BDP1: variants seen among roughly 807,000 people sequenced by gnomAD.
The protein encoded by BDP1 is transcription factor TFIIIB component B'' homolog.
BDP1 carries 169 observed loss-of-function variants against 266.6 expected under a neutral mutation model. The observed-to-expected ratio is 0.63, with a 90% CI of 0.56 to 0.72. BDP1 has a LOEUF of 0.72. Among genes scored for constraint, BDP1 ranks in the 30% least tolerant of loss-of-function variants. The probability of loss-of-function intolerance (pLI) is 0.00; values close to 1 mark genes in which losing one functional copy is unlikely to be tolerated. For synonymous variants in BDP1, 1,090 were observed against 1,022.4 expected (o/e 1.07, Z -1.26); for missense variants, 3,015 against 3,053.8 (o/e 0.99, Z 0.30).
At chr5:71,546,337 G>A (rs1244444128) in intron 32 of BDP1, among the ~76,000 whole-genome samples, 1 of 151,712 alleles carries the variant, frequency 6.6e-6, no homozygotes, top group African/African-American at 2.4e-5. Context: ...ATAAATACTT[G>A]GCTGGGTGGG....
downstream of BDP1, among the ~76,000 whole-genome samples, chr5:71,571,787 C>T (rs899512548): frequency 6.6e-6 from 1 of 152,108 alleles, no homozygotes; most frequent in African/African-American, 2.4e-5. Context: ...GCATGCCCCA[C>T]TATTTTGTAT....
chr5:71,458,718 T>C lies in BDP1; in HGVS notation c.352T>C (p.Leu118=). The C allele has an allele frequency of 6.2e-7, 1 of 1,614,160 alleles. No individual in the cohort carries two copies. Among genetic ancestry groups the C allele is most frequent in the East Asian group, 2.2e-5 (1 of 44,868 alleles). The stretch of plus-strand genomic sequence containing the variant: ...CAGTGTTCCTTCAGAATCTCATCCC[T>C]TATCTACAATTAATCAAGAGGCTCC... ...SVSVPSESHP[L]STINQEAPQP... is the part of the protein sequence containing the mutation. The change falls in exon 2 of 39, where the codon TTA becomes CTA. Residue 118 remains leucine (L), a synonymous_variant. Coordinates refer to ENST00000358731, the MANE Select transcript of BDP1 (RefSeq NM_018429.3).
rs1377230985 is a variant in BDP1, at chr5:71,510,489, GA to G, written c.3398del (p.Glu1133GlyfsTer2). 5 of 1,613,890 alleles carry G rather than the reference GA, an allele frequency of 3.1e-6. No homozygotes were observed. The highest frequency in any genetic ancestry group is 4.2e-6 in the Non-Finnish European group (5 of 1,179,956). On this transcript the variant is annotated frameshift_variant, in exon 17 of 39. Transcript: ENST00000358731. LOFTEE classifies it high-confidence loss of function. ...REISPREKTP[E>X]VIDATEEIDK... Reference sequence around the variant, plus strand: ...GATTTCCCCAAGGGAGAAGACACCAGAGGTGATTGATGCCACTGAGGAAATA... The same window carrying G: ...GATTTCCCCAAGGGAGAAGACACCAGGGTGATTGATGCCACTGAGGAAATA...
At chr5:71,485,849 G>T (rs1763230583) in intron 8 of BDP1, among the ~76,000 whole-genome samples, 2 of 152,174 alleles carry the variant, frequency 1.3e-5, no homozygotes, top group Non-Finnish European at 2.9e-5. Context: ...GGACTTCTCA[G>T]TCCATAAAAA....
At position 71,562,434 on chromosome 5, in the gene BDP1, GAAA is replaced by G; in HGVS notation, c.7662_7664del (p.Lys2554del). The G allele has an allele frequency of 1.2e-6, 2 of 1,613,798 alleles. No individual in the cohort carries two copies. Among genetic ancestry groups the G allele is most frequent in the Non-Finnish European group, 1.7e-6 (2 of 1,179,880 alleles). ...ATCTAATCCATTCAATGAAAGCCAG[GAAA>G]AAAATCGAGAGTCCTCTGATCTGCT... is the stretch of plus-strand genomic sequence containing the variant. On this transcript the variant is annotated inframe_deletion, in exon 38 of 39. Transcript: ENST00000358731.
chr5:71,547,003 A>C (rs1387125204), intron 32 of BDP1, among the ~76,000 whole-genome samples: 1 of 151,838 alleles, frequency 6.6e-6, no homozygotes, highest in African/African-American at 2.4e-5. Flanking sequence ...GTCCCACCAC[A>C]CCTGACTAAT....
Position 71,487,081 on chromosome 5 carries a change from G to A in BDP1, c.1213+454G>A, listed in dbSNP as rs749526545. On this transcript the variant is annotated intron_variant, in intron 9 of 38. Transcript: ENST00000358731. Reference sequence around the variant, plus strand: ...TGTAACAGGTAGAAATTGTATATATGTAGGTATTTTTATTTTTAGGCTTAT... The same window carrying A: ...TGTAACAGGTAGAAATTGTATATATATAGGTATTTTTATTTTTAGGCTTAT... Among the ~76,000 whole-genome samples the A allele has an allele frequency of 5.9e-4, 90 of 152,250 alleles. 1 individual carries two copies. Among genetic ancestry groups the A allele is most frequent in the Admixed American group, 4.6e-3 (70 of 15,292 alleles).
intron 25 of BDP1, among the ~76,000 whole-genome samples, chr5:71,525,484 C>T (rs1196013334): frequency 1.3e-4 from 16 of 125,838 alleles, no homozygotes; most frequent in Non-Finnish European, 2.0e-4. Flanking sequence ...GCTGGCCGGG[C>T]GGGGGGCTGA....
Position 71,497,190 on chromosome 5 carries a change from A to G in BDP1, c.1800-80A>G, listed in dbSNP as rs576768904. The G allele has an allele frequency of 1.1e-4, 143 of 1,310,568 alleles. 2 individuals carry two copies. Among genetic ancestry groups the G allele is most frequent in the African/African-American group, 5.9e-4 (40 of 68,154 alleles). 81.2% of individuals were successfully genotyped at this position (1,310,568 alleles called of 1,614,324 possible). A position where few individuals can be genotyped will look rare whatever the true frequency, so the allele number is the denominator to read the frequency against. On this transcript the variant is annotated intron_variant, in intron 12 of 38. Transcript: ENST00000358731. ...GTAAGCTCTTAAAGGAGTTCTTCCT[A>G]ATTCTCAGTAGGTTATTTTAGAAGT...
At chr5:71,479,055 A>G (rs181699423) in intron 7 of BDP1, among the ~76,000 whole-genome samples, 1 of 151,278 alleles carries the variant, frequency 6.6e-6, no homozygotes, top group East Asian at 1.9e-4. Context: ...ATTTTATTTT[A>G]TTTTTGAGAT....
the BDP1 span, among the ~76,000 whole-genome samples, chr5:71,573,309 C>G: frequency 6.6e-6 from 1 of 151,936 alleles, no homozygotes; most frequent in African/African-American, 2.4e-5. Context: ...GCTCCAGTTG[C>G]AGAACCATCT....
intron 7 of BDP1, among the ~76,000 whole-genome samples, chr5:71,481,258 A>T (rs1561689887): frequency 2.0e-5 from 3 of 149,318 alleles, no homozygotes; most frequent in Non-Finnish European, 3.0e-5. Context: ...TTTTTTTTTT[A>T]AAGCGCAGTG....
intron 7 of BDP1, among the ~76,000 whole-genome samples, chr5:71,476,843 A>G (rs1442606539): frequency 6.6e-6 from 1 of 152,032 alleles, no homozygotes; most frequent in Non-Finnish European, 1.5e-5. Context: ...AGCTGGGACT[A>G]CAGGCGCCCG....
chr5:71,518,982 A>C (rs1765361488), intron 22 of BDP1, among the ~76,000 whole-genome samples: 1 of 149,516 alleles, frequency 6.7e-6, no homozygotes, highest in African/African-American at 2.5e-5. Context: ...ACCACACCCT[A>C]CTAATTTTTG....
At position 71,544,904 on chromosome 5, in the gene BDP1, A is replaced by AAAAAAG. The variant is rs375850328; in HGVS notation, c.6564-133_6564-132insAAAGAA. The AAAAAAG allele has an allele frequency of 8.8e-3, 3,908 of 441,936 alleles. 346 individuals are homozygous for AAAAAAG. The highest frequency in any genetic ancestry group is 0.012 in the South Asian group (514 of 41,560). 27.4% of individuals were successfully genotyped at this position (441,936 alleles called of 1,614,324 possible). A position where few individuals can be genotyped will look rare whatever the true frequency, so the allele number is the denominator to read the frequency against. ...CAAAAAAAAAAAAAAAAAAAAAAAA[A>AAAAAAG]AAGTCCTATTGCATTAAATATGTTT... On this transcript the variant is annotated intron_variant, in intron 31 of 38. Transcript: ENST00000358731.
intron 33 of BDP1, 35 bp from the exon 34 acceptor site, chr5:71,549,385 G>T: frequency 6.6e-7 from 1 of 1,512,924 alleles, no homozygotes; most frequent in Non-Finnish European, 9.0e-7. Context: ...TTTCATAGTT[G>T]AGCTTTTTTA....
intron 33 of BDP1, among the ~76,000 whole-genome samples, 158 bp downstream of exon 33, chr5:71,548,903 A>G (rs1742533346): frequency 6.6e-6 from 1 of 152,230 alleles, no homozygotes; most frequent in African/African-American, 2.4e-5. Context: ...TTTGTGTATC[A>G]GTTTTGTTTT....
At chr5:71,545,531 A>G (rs1742222843) in intron 32 of BDP1, 1 of 309,856 alleles carries the variant, frequency 3.2e-6, no homozygotes, top group Non-Finnish European at 5.9e-6. Context: ...GGGATTCGCC[A>G]TATTGGCCAG....
intron 2 of BDP1, among the ~76,000 whole-genome samples, chr5:71,459,568 A>G (rs185349706): frequency 1.6e-4 from 24 of 152,368 alleles, no homozygotes; most frequent in Admixed American, 5.9e-4. Flanking sequence ...TAAATTGACT[A>G]TGGAAAATTA....
Sources: gnomAD v4.1 joint callset for allele counts (sites outside exome capture counted in the v4.1 genomes callset) on GRCh38, gnomAD v4.1.1 for gene constraint, MANE v1.5 for transcripts, NCBI Gene and HGNC (gene_info 2026-07-23, HGNC 2026-07-21) for gene names.